The following PLOD2 variants were observed in gnomAD, a reference collection of about 807,000 sequenced individuals.
PLOD2 encodes the protein procollagen-lysine,2-oxoglutarate 5-dioxygenase 2.
In PLOD2, 65 loss-of-function variants were observed where a neutral mutation model predicts 101.0. That is an observed-to-expected ratio of 0.64 (90% confidence interval 0.53 to 0.79). The LOEUF (loss-of-function observed/expected upper bound fraction) is 0.79. Among genes scored for constraint, PLOD2 ranks in the 30% least tolerant of loss-of-function variants. The pLI is 0.00. For synonymous variants in PLOD2, 314 were observed against 302.9 expected (o/e 1.04, Z -0.38); for missense variants, 909 against 914.6 (o/e 0.99, Z 0.08).
At chr3:146,114,435 C>G (rs1021748714) in intron 3 of PLOD2, among the ~76,000 whole-genome samples, 6 of 152,004 alleles carry the variant, frequency 3.9e-5, no homozygotes, top group South Asian at 2.1e-4. Context: ...AAGAGATGAC[C>G]TGTAGATAAG....
intron 3 of PLOD2, among the ~76,000 whole-genome samples, chr3:146,116,228 A>AACACACAGACACAG (rs1018806311): frequency 2.0e-5 from 3 of 151,886 alleles, no homozygotes; most frequent in African/African-American, 4.8e-5. Flanking sequence ...CCACCCTCAA[A>AACACACAGACACAG]ACACACAGAC....
intron 3 of PLOD2, among the ~76,000 whole-genome samples, chr3:146,116,844 T>G (rs1275827509): frequency 6.6e-6 from 1 of 152,114 alleles, no homozygotes; most frequent in South Asian, 2.1e-4. Flanking sequence ...TTTTTTTATC[T>G]AAATTAAATA....
chr3:146,151,210 G>A (rs542954331), intron 1 of PLOD2, among the ~76,000 whole-genome samples: 56 of 152,272 alleles, frequency 3.7e-4, no homozygotes, highest in African/African-American at 1.2e-3. Flanking sequence ...AAAGTCAAGA[G>A]ACATTGGCCA....
chr3:146,083,984 TAATA>T (rs1020173844), intron 11 of PLOD2, among the ~76,000 whole-genome samples: 9 of 151,954 alleles, frequency 5.9e-5, no homozygotes, highest in African/African-American at 1.9e-4. Context: ...AGAGAATAAT[TAATA>T]AATATATAAA....
At chr3:146,096,866 G>A (rs1368004128) in intron 7 of PLOD2, among the ~76,000 whole-genome samples, 4 of 93,498 alleles carry the variant, frequency 4.3e-5, no homozygotes, top group East Asian at 3.9e-4. Flanking sequence ...CAGCTGCCCC[G>A]TCCGGGAGGG....
intron 11 of PLOD2, among the ~76,000 whole-genome samples, chr3:146,082,379 C>A (rs1015148706): frequency 7.2e-5 from 11 of 152,120 alleles, no homozygotes; most frequent in Non-Finnish European, 4.4e-5. Flanking sequence ...GTAATTAAGT[C>A]TCAAATTACT....
chr3:146,072,580 C>T lies in PLOD2; in HGVS notation c.1829G>A (p.Trp610Ter). 1 of 1,606,868 alleles carries T rather than the reference C, an allele frequency of 6.2e-7. No homozygotes were observed. Among genetic ancestry groups the T allele is most frequent in the Non-Finnish European group, 8.5e-7 (1 of 1,174,182 alleles). Reference protein sequence around the residue: ...LVEEMEHYGKWSGGKHHDSRI... With the variant: ...LVEEMEHYGK ...ACTTACATGATGTTTTCCCCCAGACCATTTGCCGTAATGTTCCATTTCTTC... is the reference window on the plus strand; with the variant it reads ...ACTTACATGATGTTTTCCCCCAGACTATTTGCCGTAATGTTCCATTTCTTC... Residue 610 changes from tryptophan to a stop codon, truncating the protein, a stop_gained, in exon 17 of 20, where the codon TGG becomes TAG. Coordinates refer to ENST00000282903, the MANE Select transcript of PLOD2 (RefSeq NM_182943.3). LOFTEE classifies it high-confidence loss of function.
chr3:146,077,042 A>G (rs1294519514), intron 14 of PLOD2, 147 bp from the exon 15 acceptor site: 1 of 1,291,396 alleles, frequency 7.7e-7, no homozygotes, highest in Non-Finnish European at 1.0e-6. Context: ...AAATGTGCAT[A>G]GTTTAAAATA....
At chr3:146,084,008 T>A (rs1936671398) in intron 11 of PLOD2, among the ~76,000 whole-genome samples, 1 of 151,956 alleles carries the variant, frequency 6.6e-6, no homozygotes, top group Admixed American at 6.6e-5. Flanking sequence ...ATTATAGTCA[T>A]AAAATGAAAA....
intron 3 of PLOD2, among the ~76,000 whole-genome samples, chr3:146,114,615 G>T (rs1221374815): frequency 6.6e-6 from 1 of 152,114 alleles, no homozygotes; most frequent in Non-Finnish European, 1.5e-5. Flanking sequence ...TTCCTAATAA[G>T]CCTCCCACAC....
intron 1 of PLOD2, among the ~76,000 whole-genome samples, chr3:146,142,054 A>AT (rs1227104090): frequency 2.0e-5 from 3 of 152,070 alleles, no homozygotes; most frequent in African/African-American, 7.2e-5. Flanking sequence ...CATTTACTGT[A>AT]TCTAACCATA....
At chr3:146,106,762 C>T (rs2108062368) in intron 4 of PLOD2, 118 bp from the exon 5 acceptor site, 1 of 729,492 alleles carries the variant, frequency 1.4e-6, no homozygotes. Context: ...AATTCTTAGG[C>T]TGGAATTTCA....
chr3:146,092,291 C>T (rs1937002109), intron 7 of PLOD2, among the ~76,000 whole-genome samples: 1 of 151,870 alleles, frequency 6.6e-6, no homozygotes, highest in South Asian at 2.1e-4. Flanking sequence ...ATAAGATAAA[C>T]CTGTTTAAAG....
chr3:146,091,332 A>G (rs1936962884), intron 8 of PLOD2, among the ~76,000 whole-genome samples: 1 of 151,896 alleles, frequency 6.6e-6, no homozygotes, highest in African/African-American at 2.4e-5. Flanking sequence ...CAATTGTACT[A>G]CCTATTTTAG....
rs762868629 is a variant in PLOD2 at position 146,106,489 on chromosome 3, ACAAC to A, written c.615+39_615+42del. The A allele has an allele frequency of 5.3e-5, 48 of 902,384 alleles. No individual in the cohort carries two copies. In the East Asian group the frequency reaches 7.9e-4, roughly 15 times the overall value. 55.9% of individuals were successfully genotyped at this position (902,384 alleles called of 1,614,324 possible). Reference sequence around the variant, plus strand: ...ACATTAACACAATATAACACACAAAACAACCAAATCAATAAAACAAAAAAATTGC... The same window carrying A: ...ACATTAACACAATATAACACACAAAACAAATCAATAAAACAAAAAAATTGC... On this transcript the variant is annotated intron_variant, in intron 5 of 19. Coordinates refer to ENST00000282903, the MANE Select transcript of PLOD2 (RefSeq NM_182943.3).
chr3:146,120,312 T>C (rs2030007876), intron 3 of PLOD2, among the ~76,000 whole-genome samples: 1 of 152,196 alleles, frequency 6.6e-6, no homozygotes, highest in Admixed American at 6.5e-5. Flanking sequence ...CTTGTAAATT[T>C]GTTTGAGTTC....
intron 8 of PLOD2, 40 bp from the exon 9 acceptor site, chr3:146,088,751 G>C: frequency 6.7e-7 from 1 of 1,493,806 alleles, no homozygotes; most frequent in Non-Finnish European, 9.3e-7. Flanking sequence ...ATTATCATTA[G>C]TATGGTTTTG....
chr3:146,104,859 T>C (rs568167856), intron 5 of PLOD2: 1 of 155,518 alleles, frequency 6.4e-6, no homozygotes, highest in African/African-American at 2.4e-5. Context: ...CCTTTGGGTA[T>C]TATGAGTGGG....
chr3:146,095,781 A>C (rs1177246855), intron 7 of PLOD2, among the ~76,000 whole-genome samples: 1 of 152,084 alleles, frequency 6.6e-6, no homozygotes, highest in Non-Finnish European at 1.5e-5. Flanking sequence ...AGCACTATTT[A>C]CAATAGCAAA....
Sources: gnomAD v4.1 joint callset for allele counts (sites outside exome capture counted in the v4.1 genomes callset) on GRCh38, gnomAD v4.1.1 for gene constraint, MANE v1.5 for transcripts, NCBI Gene and HGNC (gene_info 2026-07-23, HGNC 2026-07-21) for gene names.